PPP2R3B: variants seen among roughly 807,000 people sequenced by gnomAD.
PPP2R3B encodes the protein protein phosphatase 2 regulatory subunit B''beta.
In PPP2R3B, 68 loss-of-function variants were observed where a neutral mutation model predicts 72.9. That is an observed-to-expected ratio of 0.93 (90% CI 0.77 to 1.14). PPP2R3B has a LOEUF of 1.14. Among genes scored for constraint, PPP2R3B ranks in the 50% most tolerant of loss-of-function variants. The pLI is 0.00. For missense variants in PPP2R3B, 1,018 were observed against 842.0 expected, an observed-to-expected ratio of 1.21 and a Z score of -2.59; for synonymous variants, 466 against 375.8, an observed-to-expected ratio of 1.24 and a Z score of -2.78.
chrX:360,153 C>T (rs1337105578), intron 2 of PPP2R3B, among the ~76,000 whole-genome samples: 5 of 152,240 alleles, frequency 3.3e-5, no homozygotes, highest in South Asian at 2.1e-4. Context: ...TGAGACACAG[C>T]GACCATGCGG....
At position 338,758 on chromosome X, in the gene PPP2R3B, C is replaced by T. The variant is rs181420515; in HGVS notation, c.1470+20G>A. ...GTACACGGCGTGGCGCGGCCCGGCCCGCGTGCCCGCCGCACTCACCCTGAG... is the reference window on the plus strand; with the variant it reads ...GTACACGGCGTGGCGCGGCCCGGCCTGCGTGCCCGCCGCACTCACCCTGAG... On this transcript the variant is annotated intron_variant, in intron 11 of 12. Transcript: ENST00000390665. 1.2e-3 allele frequency: 1,911 copies of T among 1,611,896 alleles called. 14 individuals carry two copies. In the African/African-American group the frequency reaches 0.018, roughly 16 times the overall value.
intron 12 of PPP2R3B, chrX:338,059 C>G (rs1369754959): frequency 6.0e-6 from 1 of 166,568 alleles, no homozygotes; most frequent in Non-Finnish European, 1.3e-5. Flanking sequence ...CAGAACATCT[C>G]TGAGACACCA....
intron 2 of PPP2R3B, among the ~76,000 whole-genome samples, chrX:360,010 T>TCTC (rs35349367): frequency 4.0e-5 from 6 of 151,648 alleles, no homozygotes; most frequent in African/African-American, 1.5e-4. Flanking sequence ...CGGGGACACT[T>TCTC]AATGTGTTCT....
At chrX:346,361 G>A in intron 5 of PPP2R3B, 101 bp from the exon 6 acceptor site, 1 of 1,137,128 alleles carries the variant, frequency 8.8e-7, no homozygotes, top group East Asian at 2.6e-5. Context: ...CTTGGTCTCA[G>A]CCGCACGGGG....
intron 2 of PPP2R3B, among the ~76,000 whole-genome samples, chrX:354,270 G>A (rs1189256098): frequency 6.7e-6 from 1 of 149,416 alleles, no homozygotes; most frequent in Non-Finnish European, 1.5e-5. Context: ...AAACACCAGG[G>A]GCTCACCCAA....
At chrX:349,395 TCAGA>T (rs1246992449) in intron 2 of PPP2R3B, among the ~76,000 whole-genome samples, 1 of 151,726 alleles carries the variant, frequency 6.6e-6, no homozygotes, top group Admixed American at 6.6e-5. Flanking sequence ...GCCTGAATGC[TCAGA>T]CAAAGGGCCT....
chrX:357,274 C>A (rs1185942645), intron 2 of PPP2R3B, among the ~76,000 whole-genome samples: 1 of 152,066 alleles, frequency 6.6e-6, no homozygotes, highest in Non-Finnish European at 1.5e-5. Context: ...AGGATGGATA[C>A]CCAGGTGTGT....
intron 1 of PPP2R3B, among the ~76,000 whole-genome samples, chrX:364,578 T>C (rs5987288): frequency 0.15 from 20,252 of 135,138 alleles, 2,467 homozygotes; most frequent in Non-Finnish European, 0.22. Context: ...ATTAGCCGGG[T>C]GTGGTGGAGG....
At position 386,455 on chromosome X, in the gene PPP2R3B, C is replaced by T. The variant is rs1469380996; in HGVS notation, c.237G>A (p.Pro79=). 3.8e-6 allele frequency: 5 copies of T among 1,307,918 alleles called. No individual in the cohort carries two copies. The East Asian group carries it at 1.4e-4, about 37-fold the overall frequency. The allele number at this position is 1,307,918 out of a possible 1,614,324, so 81.0% of individuals were successfully genotyped here. ...SGLEPPGTPG[P]GPALPLGAAS... ...CGGCGCCCAGGGGCAGCGCAGGGCC[C>T]GGCCCGGGGGTTCCCGGGGGTTCGA... Residue 79 remains proline (P), a synonymous_variant, in exon 1 of 13, where the codon CCG becomes CCA. Transcript: ENST00000390665.
At chrX:357,058 T>A (rs770414479) in intron 2 of PPP2R3B, among the ~76,000 whole-genome samples, 1 of 152,186 alleles carries the variant, frequency 6.6e-6, no homozygotes, top group Non-Finnish European at 1.5e-5. Flanking sequence ...AAATTTAAAA[T>A]AAAGATGCTG....
Position 346,165 on chromosome X carries a change from G to A in PPP2R3B, c.879+9C>T, listed in dbSNP as rs1364351034. The stretch of plus-strand genomic sequence containing the variant: ...GGCAGGGGGCAGGGGACAGGGGGCC[G>A]CTCCGCACCTGCAGGAAGGAGCTCC... On this transcript the variant is annotated intron_variant, in intron 6 of 12. Transcript: ENST00000390665. 2 of 1,548,986 alleles carry A rather than the reference G, an allele frequency of 1.3e-6. No individual in the cohort carries two copies. Among genetic ancestry groups the A allele is most frequent in the Non-Finnish European group, 8.7e-7 (1 of 1,150,338 alleles).
intron 1 of PPP2R3B, chrX:374,154 G>A (rs959271301): frequency 7.3e-5 from 11 of 151,674 alleles, no homozygotes; most frequent in Non-Finnish European, 1.3e-4. Flanking sequence ...CGCATCAACA[G>A]GTCCCCGAGA....
intron 1 of PPP2R3B, among the ~76,000 whole-genome samples, chrX:367,032 A>AAC (rs949611383): frequency 1.1e-4 from 15 of 132,896 alleles, no homozygotes; most frequent in African/African-American, 3.9e-4. Context: ...TGTCTCAAAA[A>AAC]AAAAAAAGTG....
At chrX:376,192 A>G (rs1250277664) in intron 1 of PPP2R3B, among the ~76,000 whole-genome samples, 6 of 148,226 alleles carry the variant, frequency 4.0e-5, no homozygotes, top group African/African-American at 1.5e-4. Context: ...ACTTCGTCTC[A>G]AAAAGGAAAA....
Position 347,197 on chromosome X carries a change from G to C in PPP2R3B, c.717+37C>G, listed in dbSNP as rs750082418. On this transcript the variant is annotated intron_variant, in intron 4 of 12. Transcript: ENST00000390665. ...GCGGTGTAGACGCGGGCCCTCCCGTGAAGGATAAGGCCTGTGGTGTAGACG... is the reference window on the plus strand; with the variant it reads ...GCGGTGTAGACGCGGGCCCTCCCGTCAAGGATAAGGCCTGTGGTGTAGACG... 2.6e-6 allele frequency: 4 copies of C among 1,531,072 alleles called. No homozygotes were observed. In the South Asian group the frequency reaches 4.5e-5, roughly 17 times the overall value. 94.8% of individuals were successfully genotyped at this position (1,531,072 alleles called of 1,614,324 possible).
At chrX:386,265 T>C (rs964351807) in intron 1 of PPP2R3B, 103 bp downstream of exon 1, 3 of 987,934 alleles carry the variant, frequency 3.0e-6, no homozygotes, top group Non-Finnish European at 3.9e-6. Context: ...TGAAACCGTT[T>C]TGGGGTCTGA....
chrX:341,874 C>T lies in PPP2R3B; in HGVS notation c.1085+9G>A, dbSNP rs1470161028. 8 of 1,612,602 alleles carry T rather than the reference C, an allele frequency of 5.0e-6. No individual in the cohort carries two copies. Among genetic ancestry groups the T allele is most frequent in the Non-Finnish European group, 6.8e-6 (8 of 1,179,710 alleles). On this transcript the variant is annotated intron_variant, in intron 8 of 12. Transcript: ENST00000390665. ...AATGGCTGCCGTCAGGCGCCTGAGC[C>T]GTACGTACCGTGTGACTGCTCCTGA... is the stretch of plus-strand genomic sequence containing the variant.
In PPP2R3B at chrX:367,973, A is replaced by C. The variant is rs145044602; in HGVS notation, c.325-6383T>G. Reference sequence around the variant, plus strand: ...ACAGACAGGCCACCAAGGAACGCTGAAGAGGTCAGTCAGGGGAAGACAGGC... The same window carrying C: ...ACAGACAGGCCACCAAGGAACGCTGCAGAGGTCAGTCAGGGGAAGACAGGC... On this transcript the variant is annotated intron_variant, in intron 1 of 12. Transcript: ENST00000390665. Among the ~76,000 whole-genome samples the C allele has an allele frequency of 5.3e-3, 804 of 152,340 alleles. 11 individuals are homozygous for C. The highest frequency in any genetic ancestry group is 0.019 in the African/African-American group (770 of 41,564).
intron 7 of PPP2R3B, among the ~76,000 whole-genome samples, chrX:344,483 A>C (rs2738359): frequency 0.4 from 61,350 of 152,206 alleles, 13,534 homozygotes; most frequent in South Asian, 0.51. Flanking sequence ...GCAGTGCGTG[A>C]GAAACAGCGC....
Sources: allele counts gnomAD v4.1 joint callset (sites outside exome capture counted in the v4.1 genomes callset), GRCh38; gene constraint gnomAD v4.1.1; transcripts MANE v1.5; gene names NCBI Gene and HGNC (gene_info 2026-07-23, HGNC 2026-07-21).